Variants in PAICS observed in about 807,000 individuals in gnomAD.
The protein encoded by PAICS is phosphoribosylaminoimidazole carboxylase and phosphoribosylaminoimidazolesuccinocarboxamide synthase.
In PAICS, 33 loss-of-function variants were observed where a neutral mutation model predicts 53.7. That is an observed-to-expected ratio of 0.61 (90% CI 0.47 to 0.82). The LOEUF (loss-of-function observed/expected upper bound fraction) is 0.82, where lower values mean the gene tolerates loss of function less well. PAICS is among the 40% of genes least tolerant of loss of function. PAICS has a pLI of 0.00. For synonymous variants in PAICS, 141 were observed against 167.2 expected, an observed-to-expected ratio of 0.84 and a Z score of 1.21; for missense variants, 394 against 494.1, an observed-to-expected ratio of 0.80 and a Z score of 1.92.
At chr4:56,416,372 G>A in the PAICS span, 4 of 874,692 alleles carry the variant, frequency 4.6e-6, no homozygotes, top group East Asian at 2.4e-4. Flanking sequence ...AATTGCATCA[G>A]TAGATAAGGA....
At chr4:56,456,163 C>T (rs546950603) in intron 8 of PAICS, among the ~76,000 whole-genome samples, 1 of 152,276 alleles carries the variant, frequency 6.6e-6, no homozygotes, top group East Asian at 1.9e-4. Flanking sequence ...GCAATCTCAG[C>T]TTACTGCAGC....
the PAICS span, among the ~76,000 whole-genome samples, chr4:56,429,983 G>T: frequency 2.0e-5 from 3 of 152,190 alleles, no homozygotes; most frequent in East Asian, 5.8e-4. Flanking sequence ...TCCCAGCCAG[G>T]TGCAGTGGCT....
intron 8 of PAICS, among the ~76,000 whole-genome samples, chr4:56,455,540 T>A (rs1395876577): frequency 6.6e-6 from 1 of 152,182 alleles, no homozygotes; most frequent in East Asian, 1.9e-4. Context: ...CTTGGTTTAT[T>A]TTTATTTTGT....
chr4:56,420,404 C>A, the PAICS span: 2 of 152,118 alleles, frequency 1.3e-5, no homozygotes, highest in African/African-American at 4.8e-5. Context: ...TTTCAGATTT[C>A]ATATTAGGGA....
At chr4:56,442,860 A>G (rs1718411359) in intron 2 of PAICS, among the ~76,000 whole-genome samples, 1 of 152,220 alleles carries the variant, frequency 6.6e-6, no homozygotes, top group Admixed American at 6.5e-5. Flanking sequence ...ATGTAATTTA[A>G]ATACATTGTC....
the PAICS span, chr4:56,425,294 C>T: frequency 6.1e-6 from 1 of 163,050 alleles, no homozygotes; most frequent in South Asian, 2.0e-4. Context: ...ATAATCTTAG[C>T]AGTAAAATTA....
chr4:56,412,701 T>TA, the PAICS span, among the ~76,000 whole-genome samples: 1 of 152,322 alleles, frequency 6.6e-6, no homozygotes, highest in South Asian at 2.1e-4. Context: ...ACTAAGTCTT[T>TA]AAAAAATCTG....
At chr4:56,426,914 T>C in the PAICS span, among the ~76,000 whole-genome samples, 1 of 152,242 alleles carries the variant, frequency 6.6e-6, no homozygotes, top group African/African-American at 2.4e-5. Context: ...CCAACTCTCC[T>C]TAGCCTGTGG....
the PAICS span, among the ~76,000 whole-genome samples, chr4:56,430,728 C>A: frequency 2.7e-5 from 4 of 149,874 alleles, no homozygotes; most frequent in African/African-American, 9.8e-5. Context: ...TAAGGGTTAA[C>A]CGCACAAGAG....
chr4:56,420,181 T>A, the PAICS span: 1 of 174,776 alleles, frequency 5.7e-6, no homozygotes, highest in Non-Finnish European at 1.1e-5. Flanking sequence ...TATTTGCATA[T>A]ACATAGTGAG....
intron 2 of PAICS, among the ~76,000 whole-genome samples, chr4:56,444,352 G>C (rs1578150362): frequency 6.6e-6 from 1 of 152,108 alleles, no homozygotes; most frequent in Non-Finnish European, 1.5e-5. Flanking sequence ...GGCCTTCTTA[G>C]TGATGATGAA....
In PAICS at chr4:56,459,601, A is replaced by G. The variant is rs1719402220; in HGVS notation, c.*63A>G. 3 of 1,213,414 alleles carry G rather than the reference A, an allele frequency of 2.5e-6. No homozygotes were observed. The Admixed American group carries it at 6.9e-5, about 28-fold the overall frequency. The allele number at this position is 1,213,414 out of a possible 1,614,324, so 75.2% of individuals were successfully genotyped here. A position where few individuals can be genotyped will look rare whatever the true frequency, so the allele number is the denominator to read the frequency against. ...AAATTTCTAATTTAGCTGAAGGAAA[A>G]TCAAGCAAGATGAAAAGGTAATTTT... is the stretch of plus-strand genomic sequence containing the variant. On this transcript the variant is annotated 3_prime_UTR_variant, in exon 9 of 9. Transcript: ENST00000512576.
the PAICS span, among the ~76,000 whole-genome samples, chr4:56,415,873 C>T: frequency 6.6e-6 from 1 of 152,082 alleles, no homozygotes; most frequent in Non-Finnish European, 1.5e-5. Context: ...AGCTCGAGAC[C>T]AGCCTGGCCA....
At chr4:56,453,850 G>GT in intron 8 of PAICS, 89 bp downstream of exon 8, 1 of 887,638 alleles carries the variant, frequency 1.1e-6, no homozygotes, top group Non-Finnish European at 1.7e-6. Context: ...AAAATCTCAT[G>GT]TACCCATGAC....
chr4:56,459,479 T>C lies in PAICS; in HGVS notation c.1219T>C (p.Leu407=), dbSNP rs1386408072. 6 of 1,600,028 alleles carry C rather than the reference T, an allele frequency of 3.7e-6. No individual in the cohort carries two copies. Among genetic ancestry groups the C allele is most frequent in the Non-Finnish European group, 5.1e-6 (6 of 1,169,296 alleles). Residue 407 remains leucine (L), a synonymous_variant, in exon 9 of 9, where the codon TTG becomes CTG. Transcript: ENST00000512576. ...ATGGAGCAAACTGCGAGCAAGCATTTTGAACACATGGATTTCCTTGAAGCA... is the reference window on the plus strand; with the variant it reads ...ATGGAGCAAACTGCGAGCAAGCATTCTGAACACATGGATTTCCTTGAAGCA... ...LVWSKLRASI[L]NTWISLKQAD...
At chr4:56,450,149 C>A (rs776888678) in intron 5 of PAICS, among the ~76,000 whole-genome samples, 3 of 151,880 alleles carry the variant, frequency 2.0e-5, no homozygotes, top group African/African-American at 7.3e-5. Flanking sequence ...GGGAGGGGAA[C>A]AACACACACC....
At chr4:56,446,549 A>G (rs1718628960) in intron 2 of PAICS, 146 bp from the exon 3 acceptor site, 2 of 627,700 alleles carry the variant, frequency 3.2e-6, no homozygotes, top group Admixed American at 2.9e-5. Context: ...AACTGACCGC[A>G]TCTACATTAA....
intron 8 of PAICS, among the ~76,000 whole-genome samples, chr4:56,456,473 T>C (rs1719210839): frequency 6.6e-6 from 1 of 152,100 alleles, no homozygotes; most frequent in African/African-American, 2.4e-5. Context: ...AGTGGCATGA[T>C]CATATCTCAC....
At chr4:56,435,972 C>A (rs555383179), upstream of PAICS, 1 of 1,516,866 alleles carries the variant, frequency 6.6e-7, no homozygotes, top group Non-Finnish European at 8.9e-7. Context: ...GAGAAGGGGC[C>A]GGGGTATGCG....
Sources: allele counts gnomAD v4.1 joint callset (sites outside exome capture counted in the v4.1 genomes callset), GRCh38; gene constraint gnomAD v4.1.1; transcripts MANE v1.5; gene names NCBI Gene and HGNC (gene_info 2026-07-23, HGNC 2026-07-21).